The following TARP variants were observed in gnomAD, a reference collection of about 807,000 sequenced individuals.
chr7:38,264,719 C>T, the TARP span, among the ~76,000 whole-genome samples: 1 of 151,634 alleles, frequency 6.6e-6, no homozygotes, highest in African/African-American at 2.4e-5. Context: ...GCCCTGATCA[C>T]TAGAAAAATC....
chr7:38,262,749 G>A, the TARP span, among the ~76,000 whole-genome samples: 56 of 151,480 alleles, frequency 3.7e-4, no homozygotes, highest in African/African-American at 1.3e-3. Context: ...AAACTCCCCA[G>A]GCTCATGAGA....
At chr7:38,271,724 A>G in the TARP span, among the ~76,000 whole-genome samples, 1 of 151,544 alleles carries the variant, frequency 6.6e-6, no homozygotes, top group Non-Finnish European at 1.5e-5. Flanking sequence ...AGACACCATC[A>G]TAAGAGGATT....
chr7:38,263,001 A>G, the TARP span, among the ~76,000 whole-genome samples: 28 of 150,426 alleles, frequency 1.9e-4, no homozygotes, highest in Admixed American at 1.2e-3. Context: ...AATCTTACAT[A>G]TTTGAAGGAG....
At chr7:38,273,603 T>G in the TARP span, 1 of 1,598,274 alleles carries the variant, frequency 6.3e-7, no homozygotes. Flanking sequence ...TGATAAGCTT[T>G]GTTCCGGGAC....
At chr7:38,270,659 G>A in the TARP span, among the ~76,000 whole-genome samples, 62,643 of 150,114 alleles carry the variant, frequency 0.42, 13,891 homozygotes, top group African/African-American at 0.58. Context: ...GTAGAGAAAA[G>A]GCAAGAGGCC....
At chr7:38,268,512 T>C in the TARP span, among the ~76,000 whole-genome samples, 2 of 151,720 alleles carry the variant, frequency 1.3e-5, no homozygotes, top group Non-Finnish European at 2.9e-5. Context: ...ATTTGATATC[T>C]TGACCATTTT....
chr7:38,264,653 T>C, the TARP span, among the ~76,000 whole-genome samples: 1 of 151,794 alleles, frequency 6.6e-6, no homozygotes, highest in South Asian at 2.1e-4. Context: ...TATAAAACTG[T>C]AACTTCTCTC....
the TARP span, among the ~76,000 whole-genome samples, chr7:38,268,461 A>C: frequency 6.5e-3 from 979 of 151,514 alleles, 11 homozygotes; most frequent in African/African-American, 0.022. Context: ...ATGTTTAAAT[A>C]TGTATTTCAG....
chr7:38,264,901 C>T, the TARP span, among the ~76,000 whole-genome samples: 130 of 151,706 alleles, frequency 8.6e-4, 1 homozygote, highest in Admixed American at 1.9e-3. Context: ...TTAGGTTAAA[C>T]TTTGTGGGTA....
chr7:38,269,587 G>A, the TARP span: 1 of 639,528 alleles, frequency 1.6e-6, no homozygotes, highest in African/African-American at 1.8e-5. Context: ...GTTTCCCTGA[G>A]TTCTTCAAAT....
the TARP span, among the ~76,000 whole-genome samples, chr7:38,267,567 T>C: frequency 4.6e-5 from 7 of 150,884 alleles, no homozygotes; most frequent in Non-Finnish European, 1.0e-4. Context: ...AGTAAACATA[T>C]ACAGAAATAT....
the TARP span, among the ~76,000 whole-genome samples, chr7:38,268,134 A>AGT: frequency 1.1e-4 from 16 of 151,596 alleles, no homozygotes; most frequent in South Asian, 2.5e-3. Flanking sequence ...ACATATTAAG[A>AGT]GTTTTTTATG....
the TARP span, among the ~76,000 whole-genome samples, chr7:38,267,382 T>C: frequency 2.6e-5 from 4 of 152,008 alleles, no homozygotes; most frequent in Non-Finnish European, 2.9e-5. Context: ...AATGTTACAA[T>C]TCTTTCTATT....
the TARP span, among the ~76,000 whole-genome samples, chr7:38,261,584 A>G: frequency 6.6e-6 from 1 of 151,672 alleles, no homozygotes; most frequent in Admixed American, 6.6e-5. Context: ...AACAAAAGAC[A>G]GGACAGGAGG....
the TARP span, among the ~76,000 whole-genome samples, chr7:38,272,635 T>C: frequency 1.3e-5 from 2 of 149,394 alleles, no homozygotes; most frequent in African/African-American, 5.0e-5. Context: ...GTTTTCCAAT[T>C]TTTCTATAAT....
At chr7:38,267,020 G>C in the TARP span, among the ~76,000 whole-genome samples, 4 of 151,712 alleles carry the variant, frequency 2.6e-5, no homozygotes, top group Non-Finnish European at 5.9e-5. Flanking sequence ...GAATGACTAA[G>C]AATGCACCAG....
chr7:38,262,241 T>A, the TARP span: 309 of 1,579,314 alleles, frequency 2.0e-4, 5 homozygotes, highest in South Asian at 3.2e-3. Flanking sequence ...GAGCAAGTAC[T>A]AGTCAATTGT....
At chr7:38,270,333 G>A in the TARP span, among the ~76,000 whole-genome samples, 1 of 151,480 alleles carries the variant, frequency 6.6e-6, no homozygotes, top group African/African-American at 2.4e-5. Flanking sequence ...CTTTGCTCTG[G>A]GATTCTCAAA....
At chr7:38,272,144 A>G in the TARP span, among the ~76,000 whole-genome samples, 1 of 151,286 alleles carries the variant, frequency 6.6e-6, no homozygotes, top group Non-Finnish European at 1.5e-5. Context: ...GCATTTTACA[A>G]ATAGTGATAT....
Sources: gnomAD v4.1 joint callset for allele counts (sites outside exome capture counted in the v4.1 genomes callset) on GRCh38, gnomAD v4.1.1 for gene constraint, MANE v1.5 for transcripts.